RALYL: variants seen among roughly 807,000 people sequenced by gnomAD.
The protein encoded by RALYL is RNA-binding Raly-like protein.
In RALYL, 29 loss-of-function variants were observed where a neutral mutation model predicts 35.1. The observed-to-expected ratio is 0.83, with a 90% confidence interval of 0.61 to 1.13. The LOEUF (loss-of-function observed/expected upper bound fraction) is 1.13, where lower values mean the gene tolerates loss of function less well. RALYL is among the 50% of genes most tolerant of loss of function. RALYL has a pLI of 0.00. For synonymous variants in RALYL, 120 were observed against 127.6 expected (o/e 0.94, Z 0.40); for missense variants, 359 against 360.4 (o/e 1.00, Z 0.03).
intron 2 of RALYL, among the ~76,000 whole-genome samples, chr8:84,665,021 A>G (rs957160469): frequency 6.6e-6 from 1 of 152,098 alleles, no homozygotes; most frequent in African/African-American, 2.4e-5. Context: ...GTTTACTAAG[A>G]GTTTTTAACA....
Position 84,921,168 on chromosome 8 carries a change from C to A in RALYL, c.*257C>A. On this transcript the variant is annotated 3_prime_UTR_variant, in exon 9 of 9. Transcript: ENST00000521268. ...TGCTAATTATGTTTTTTTTTTCAGT[C>A]TTAAAATGTGAAAGGCATTTATGAA... 1 of 301,042 alleles carries A rather than the reference C, an allele frequency of 3.3e-6. No individual in the cohort carries two copies. 18.6% of individuals were successfully genotyped at this position (301,042 alleles called of 1,614,324 possible). A position where few individuals can be genotyped will look rare whatever the true frequency, so the allele number is the denominator to read the frequency against.
chr8:84,673,516 CA>C (rs1833647401), intron 2 of RALYL, among the ~76,000 whole-genome samples: 1 of 151,884 alleles, frequency 6.6e-6, no homozygotes, highest in Non-Finnish European at 1.5e-5. Flanking sequence ...TTTACATTTA[CA>C]TTTTACATTT....
intron 8 of RALYL, among the ~76,000 whole-genome samples, chr8:84,897,478 C>T (rs970046141): frequency 6.6e-6 from 1 of 152,104 alleles, no homozygotes. Context: ...GCTCTCAGCA[C>T]ATTCAATTCA....
intron 1 of RALYL, among the ~76,000 whole-genome samples, chr8:84,383,160 A>G (rs749561604): frequency 5.9e-5 from 9 of 151,842 alleles, no homozygotes; most frequent in Non-Finnish European, 1.3e-4. Flanking sequence ...CAATATTAAA[A>G]TATATCGCTT....
intron 5 of RALYL, among the ~76,000 whole-genome samples, chr8:84,852,172 G>A (rs1195670151): frequency 6.6e-6 from 1 of 152,120 alleles, no homozygotes; most frequent in Non-Finnish European, 1.5e-5. Flanking sequence ...TCAGCCTATG[G>A]AGCTATGCGA....
intron 6 of RALYL, among the ~76,000 whole-genome samples, chr8:84,871,946 A>AT (rs949436584): frequency 2.0e-5 from 3 of 151,818 alleles, no homozygotes; most frequent in Non-Finnish European, 2.9e-5. Context: ...TTGTTTTTTT[A>AT]TTTTTTCAAA....
At chr8:84,664,712 TAAGAA>T (rs1438248023) in intron 2 of RALYL, among the ~76,000 whole-genome samples, 1 of 152,124 alleles carries the variant, frequency 6.6e-6, no homozygotes, top group Non-Finnish European at 1.5e-5. Context: ...CTTATCAGCT[TAAGAA>T]GCTTTTAGGG....
rs147982972 is a variant in RALYL at position 84,397,649 on chromosome 8, C to A, written c.-23-131650C>A. On this transcript the variant is annotated intron_variant, in intron 1 of 8. Coordinates refer to ENST00000521268, the MANE Select transcript of RALYL (RefSeq NM_173848.7). ...TTCCTTTTAACTGAATCCCCAGATA[C>A]CACTAGAATTTTATGAAATGACTTA... Among the ~76,000 whole-genome samples, 627 of 152,266 alleles carry A rather than the reference C, an allele frequency of 4.1e-3. 6 individuals carry two copies. Among genetic ancestry groups the A allele is most frequent in the African/African-American group, 0.014 (591 of 41,546 alleles).
At chr8:84,285,322 G>C (rs1837382517) in intron 1 of RALYL, among the ~76,000 whole-genome samples, 1 of 152,078 alleles carries the variant, frequency 6.6e-6, no homozygotes, top group African/African-American at 2.4e-5. Flanking sequence ...CTAGAGTATA[G>C]AAAATATATT....
At chr8:84,682,371 G>C (rs1371958669) in intron 2 of RALYL, among the ~76,000 whole-genome samples, 1 of 152,156 alleles carries the variant, frequency 6.6e-6, no homozygotes, top group Non-Finnish European at 1.5e-5. Context: ...AGTTAGGGAG[G>C]ATTCCTTCTT....
At chr8:84,503,758 A>G (rs990370992) in intron 1 of RALYL, among the ~76,000 whole-genome samples, 1 of 150,348 alleles carries the variant, frequency 6.7e-6, no homozygotes, top group East Asian at 2.0e-4. Context: ...CTGAGGCAGG[A>G]GAATCGGCTT....
chr8:84,272,518 T>C lies in RALYL; in HGVS notation c.-24+88094T>C, dbSNP rs958556410. On this transcript the variant is annotated intron_variant, in intron 1 of 8. Transcript: ENST00000521268. ...GTGGCATTTTTTAACTTGGTAAACT[T>C]ACTGTGATGGAATATCTGGCTGAGA... 1.1e-4 allele frequency among the ~76,000 whole-genome samples: 17 copies of C among 152,212 alleles called. 1 individual carries two copies. Among genetic ancestry groups the C allele is most frequent in the Non-Finnish European group, 7.3e-5 (5 of 68,048 alleles).
At chr8:84,650,757 A>G (rs1488227352) in intron 2 of RALYL, among the ~76,000 whole-genome samples, 3 of 151,746 alleles carry the variant, frequency 2.0e-5, no homozygotes, top group East Asian at 3.9e-4. Context: ...ATGCTGCTAT[A>G]AAGACACATG....
intron 1 of RALYL, among the ~76,000 whole-genome samples, chr8:84,395,121 C>T (rs1250733787): frequency 6.6e-6 from 1 of 151,680 alleles, no homozygotes; most frequent in Non-Finnish European, 1.5e-5. Context: ...ATATTTTAGA[C>T]AATTATCATA....
chr8:84,602,009 G>C (rs1816081740), intron 2 of RALYL, among the ~76,000 whole-genome samples: 3 of 151,850 alleles, frequency 2.0e-5, no homozygotes, highest in Admixed American at 2.0e-4. Flanking sequence ...TTCCCTTCTT[G>C]TCTCGTAATT....
At chr8:84,694,601 C>A (rs1838760368) in intron 2 of RALYL, among the ~76,000 whole-genome samples, 1 of 151,784 alleles carries the variant, frequency 6.6e-6, no homozygotes, top group African/African-American at 2.4e-5. Context: ...ATAGAAAAAG[C>A]AATCCTAAAA....
Position 84,529,407 on chromosome 8 carries a change from A to G in RALYL, c.86A>G (p.Asn29Ser). 1 of 1,612,826 alleles carries G rather than the reference A, an allele frequency of 6.2e-7. No individual in the cohort carries two copies. The highest frequency in any genetic ancestry group is 8.5e-7 in the Non-Finnish European group (1 of 1,179,392). The change falls in exon 2 of 9, where the codon AAT becomes AGT. Residue 29 changes from asparagine to serine, a missense_variant. Coordinates refer to ENST00000521268, the MANE Select transcript of RALYL (RefSeq NM_173848.7). ...INSRVFIGNL[N>S]TAIVKKVDIE... is the part of the protein sequence containing the mutation. Reference sequence around the variant, plus strand: ...TCCCGTGTTTTCATCGGCAATCTAAATACGGCAATTGTCAAGAAAGTTGAC... The same window carrying G: ...TCCCGTGTTTTCATCGGCAATCTAAGTACGGCAATTGTCAAGAAAGTTGAC...
intron 2 of RALYL, among the ~76,000 whole-genome samples, chr8:84,740,082 A>T (rs1848007900): frequency 6.6e-6 from 1 of 151,960 alleles, no homozygotes. Flanking sequence ...TGAGATAAAG[A>T]AATGTGAGGA....
At chr8:84,304,179 G>A (rs111583403) in intron 1 of RALYL, among the ~76,000 whole-genome samples, 3,953 of 151,942 alleles carry the variant, frequency 0.026, 98 homozygotes, top group Non-Finnish European at 0.029. Flanking sequence ...GTGCAGTGGC[G>A]CGATCTCAGC....
Sources: gnomAD v4.1 joint callset for allele counts (sites outside exome capture counted in the v4.1 genomes callset) on GRCh38, gnomAD v4.1.1 for gene constraint, MANE v1.5 for transcripts, NCBI Gene and HGNC (gene_info 2026-07-23, HGNC 2026-07-21) for gene names.